DNAH17: variants seen among roughly 807,000 people sequenced by gnomAD.
DNAH17 encodes axonemal beta dynein heavy chain 17.
In DNAH17, 376 loss-of-function variants were observed where a neutral mutation model predicts 485.6. That is an observed-to-expected ratio of 0.77 (90% CI 0.71 to 0.84). The LOEUF (loss-of-function observed/expected upper bound fraction) is 0.84. Ranked by LOEUF, DNAH17 falls within the 40% of genes least tolerant of loss-of-function variation. The pLI is 0.00. For synonymous variants in DNAH17, 3,031 were observed against 2,405.9 expected, an observed-to-expected ratio of 1.26 and a Z score of -7.60; for missense variants, 6,370 against 5,839.3, an observed-to-expected ratio of 1.09 and a Z score of -2.96.
At chr17:78,531,337 C>CTTTTTT (rs35874440) in intron 20 of DNAH17, among the ~76,000 whole-genome samples, 6 of 122,356 alleles carry the variant, frequency 4.9e-5, no homozygotes, top group East Asian at 2.3e-4. Flanking sequence ...TAAAGTCTGT[C>CTTTTTT]TTTTTTTTTT....
intron 18 of DNAH17, 50 bp from the exon 19 acceptor site, chr17:78,537,531 G>C: frequency 6.3e-7 from 1 of 1,589,538 alleles, no homozygotes; most frequent in South Asian, 1.1e-5. Context: ...TCCTCCATCG[G>C]ATGATTCTCA....
intron 69 of DNAH17, among the ~76,000 whole-genome samples, chr17:78,447,141 G>A (rs575370916): frequency 6.6e-6 from 1 of 152,084 alleles, no homozygotes; most frequent in East Asian, 1.9e-4. Flanking sequence ...ATATTGACTG[G>A]GCTAGTCTCA....
At chr17:78,570,565 G>T (rs780332001) in intron 6 of DNAH17, among the ~76,000 whole-genome samples, 193 bp from the exon 7 acceptor site, 5 of 152,012 alleles carry the variant, frequency 3.3e-5, no homozygotes, top group Non-Finnish European at 7.4e-5. Context: ...ATGCCTTGAA[G>T]AAACAAGACC....
chr17:78,457,080 G>T (rs1264086078), intron 62 of DNAH17, among the ~76,000 whole-genome samples: 1 of 152,184 alleles, frequency 6.6e-6, no homozygotes, highest in Non-Finnish European at 1.5e-5. Flanking sequence ...GTGTTAAAAG[G>T]CATGAAGGGG....
intron 54 of DNAH17, 21 bp from the exon 55 acceptor site, chr17:78,468,904 C>G: frequency 1.3e-6 from 2 of 1,598,264 alleles, no homozygotes; most frequent in Non-Finnish European, 1.7e-6. Context: ...TGAGGACACG[C>G]TTAGGGGCCT....
intron 1 of DNAH17, among the ~76,000 whole-genome samples, chr17:78,575,731 TG>T (rs144938310): frequency 0.01 from 1,529 of 152,096 alleles, 32 homozygotes; most frequent in African/African-American, 0.035. Context: ...ACTAGAGAAT[TG>T]GGGGGAAGGG....
rs771443493 is a variant in DNAH17 at position 78,428,559 on chromosome 17, G to A, written c.12554C>T (p.Ser4185Leu). Residue 4185 changes from serine to leucine, a missense_variant, in exon 77 of 81, where the codon TCG (serine) becomes TTG (leucine). Ser to Leu is a moderately radical substitution (Grantham distance 145). Transcript: ENST00000389840. ...GCGGGACACTCCCGTGCCTGCCCCCGAGTCCGTCTCTTTTGGCTGCATTTC... is the reference window on the plus strand; with the variant it reads ...GCGGGACACTCCCGTGCCTGCCCCCAAGTCCGTCTCTTTTGGCTGCATTTC... ...VLEMQPKETD[S>L]GAGTGVSREE... 17 of 1,612,886 alleles carry A rather than the reference G, an allele frequency of 1.1e-5. No individual in the cohort carries two copies. The highest frequency in any genetic ancestry group is 6.7e-5 in the African/African-American group (5 of 74,836).
Position 78,485,632 on chromosome 17 carries a change from G to C in DNAH17, c.7401C>G (p.Asp2467Glu). Reference sequence around the variant, plus strand: ...TGTCCGTGTTCAGGCTTTCCAGCTTGTCCCCCATCAGCACCGACTTGCCCG... The same window carrying C: ...TGTCCGTGTTCAGGCTTTCCAGCTTCTCCCCCATCAGCACCGACTTGCCCG... ...AGTGKSVLMG[D>E]KLESLNTDNY... is the part of the protein sequence containing the mutation. The change falls in exon 47 of 81, where the codon GAC becomes GAG. Residue 2467 changes from aspartate (D) to glutamate (E), a missense_variant. Coordinates refer to ENST00000389840, the MANE Select transcript of DNAH17 (RefSeq NM_173628.4). 6.2e-7 allele frequency: 1 copy of C among 1,613,996 alleles called. No homozygotes were observed. The highest frequency in any genetic ancestry group is 8.5e-7 in the Non-Finnish European group (1 of 1,179,876).
intron 71 of DNAH17, among the ~76,000 whole-genome samples, chr17:78,443,545 C>CTTTTTA (rs59174748): frequency 6.6e-6 from 1 of 150,754 alleles, no homozygotes; most frequent in Non-Finnish European, 1.5e-5. Flanking sequence ...GAAGGGAATT[C>CTTTTTA]TTTTTATTTT....
rs1436850060 is a variant in DNAH17, at chr17:78,449,394, A to G, written c.11211+20T>C. On this transcript the variant is annotated intron_variant, in intron 69 of 80. Coordinates refer to ENST00000389840, the MANE Select transcript of DNAH17 (RefSeq NM_173628.4). ...CGCTGGTCCACGGACCACACTAGGAACAGTGAGGCTAGACATTACCTGAAA... is the reference window on the plus strand; with the variant it reads ...CGCTGGTCCACGGACCACACTAGGAGCAGTGAGGCTAGACATTACCTGAAA... The G allele has an allele frequency of 6.5e-7, 1 of 1,540,006 alleles. No individual in the cohort carries two copies. Among genetic ancestry groups the G allele is most frequent in the Non-Finnish European group, 8.8e-7 (1 of 1,138,614 alleles).
intron 17 of DNAH17, 189 bp downstream of exon 17, chr17:78,543,668 G>A (rs1210055375): frequency 6.6e-5 from 53 of 806,314 alleles, no homozygotes; most frequent in Admixed American, 1.0e-4. Flanking sequence ...TAGGTGATCC[G>A]CCCGACTCAG....
At chr17:78,535,974 C>T (rs1036992) in intron 19 of DNAH17, among the ~76,000 whole-genome samples, 3,676 of 152,254 alleles carry the variant, frequency 0.024, 67 homozygotes, top group Non-Finnish European at 0.037. Context: ...CACCTCAAAC[C>T]TCCCTTAAGC....
At chr17:78,553,110 G>C (rs147739772) in intron 14 of DNAH17, among the ~76,000 whole-genome samples, 15 of 151,932 alleles carry the variant, frequency 9.9e-5, no homozygotes, top group African/African-American at 1.7e-4. Flanking sequence ...CTTCTCTCTC[G>C]ATCCTGGCTT....
intron 52 of DNAH17, among the ~76,000 whole-genome samples, chr17:78,476,342 CCGGAG>C (rs2089020367): frequency 1.1e-5 from 1 of 92,398 alleles, no homozygotes; most frequent in African/African-American, 5.3e-5. Context: ...CAGCCACGTG[CCGGAG>C]TTATCGCGTG....
intron 55 of DNAH17, among the ~76,000 whole-genome samples, chr17:78,468,353 G>C (rs909625409): frequency 8.6e-5 from 13 of 151,998 alleles, no homozygotes; most frequent in African/African-American, 3.1e-4. Flanking sequence ...GGTATCCATG[G>C]CGGTCCTGGA....
intron 78 of DNAH17, 68 bp downstream of exon 78, chr17:78,426,858 A>G: frequency 6.5e-7 from 1 of 1,540,150 alleles, no homozygotes; most frequent in Non-Finnish European, 8.8e-7. Context: ...CTGGGTTGCC[A>G]GAGGCCTGGG....
At chr17:78,484,803 C>T in intron 48 of DNAH17, 65 bp downstream of exon 48, 1 of 1,283,776 alleles carries the variant, frequency 7.8e-7, no homozygotes, top group Non-Finnish European at 1.0e-6. Flanking sequence ...TTCCTGCGCC[C>T]CGCCCTGGCC....
chr17:78,495,026 T>G lies in DNAH17; in HGVS notation c.5975A>C (p.Glu1992Ala). The G allele has an allele frequency of 6.2e-7, 1 of 1,612,638 alleles. No homozygotes were observed. The highest frequency in any genetic ancestry group is 8.5e-7 in the Non-Finnish European group (1 of 1,179,372). The change falls in exon 39 of 81, where the codon GAA (glutamate) becomes GCA (alanine). Residue 1992 changes from glutamate to alanine, a missense_variant. Physicochemically the swap from Glu to Ala is moderately radical, Grantham distance 107. Coordinates refer to ENST00000389840, the MANE Select transcript of DNAH17 (RefSeq NM_173628.4). ...EIMLMAEGFLEARLLARKFIT... is the reference protein window; with the variant it reads ...EIMLMAEGFLAARLLARKFIT... ...GAACTTCCTGGCCAGAAGGCGGGCT[T>G]CCAGAAAGCCCTCGGCCATGAGCAT... is the stretch of plus-strand genomic sequence containing the variant.
At chr17:78,520,402 T>C (rs1423741444) in intron 25 of DNAH17, among the ~76,000 whole-genome samples, 1 of 152,090 alleles carries the variant, frequency 6.6e-6, no homozygotes, top group Admixed American at 6.5e-5. Context: ...GTAAAAGACA[T>C]ACAGAATGGA....
Sources: gnomAD v4.1 joint callset for allele counts (sites outside exome capture counted in the v4.1 genomes callset) on GRCh38, gnomAD v4.1.1 for gene constraint, MANE v1.5 for transcripts, NCBI Gene and HGNC (gene_info 2026-07-23, HGNC 2026-07-21) for gene names.